Variants in ADGRL2 observed in about 807,000 individuals in gnomAD.
The protein encoded by ADGRL2 is adhesion G protein-coupled receptor L2, also known as calcium-independent alpha-latrotoxin receptor 2.
Under a neutral mutation model 157.4 loss-of-function variants are expected in ADGRL2, and 44 were observed. The observed-to-expected ratio is 0.28, with a 90% CI of 0.22 to 0.36. ADGRL2 has a LOEUF of 0.36. Ranked by LOEUF, ADGRL2 falls within the 10% of genes least tolerant of loss-of-function variation. The pLI, the probability that ADGRL2 is intolerant of heterozygous loss-of-function variation, is 1.00. For synonymous variants in ADGRL2, 585 were observed against 624.7 expected, an observed-to-expected ratio of 0.94 and a Z score of 0.95; for missense variants, 1,510 against 1,768.9, an observed-to-expected ratio of 0.85 and a Z score of 2.63.
intron 2 of ADGRL2, among the ~76,000 whole-genome samples, chr1:81,498,606 G>T (rs1221827567): frequency 6.6e-6 from 1 of 152,184 alleles, no homozygotes; most frequent in Non-Finnish European, 1.5e-5. Flanking sequence ...TATGAGAAGA[G>T]AGTTAACACT....
intron 1 of ADGRL2, among the ~76,000 whole-genome samples, chr1:81,705,746 C>T (rs1026818721): frequency 4.6e-5 from 7 of 150,966 alleles, no homozygotes; most frequent in East Asian, 2.0e-4. Flanking sequence ...AAGATTCCAC[C>T]GCTATAAAAA....
At chr1:81,677,387 T>G (rs898749981) in intron 3 of ADGRL2, among the ~76,000 whole-genome samples, 1 of 152,226 alleles carries the variant, frequency 6.6e-6, no homozygotes, top group Admixed American at 6.5e-5. Flanking sequence ...GAGCTTCATA[T>G]AGCCGGAATA....
intron 3 of ADGRL2, among the ~76,000 whole-genome samples, chr1:81,677,549 T>G (rs2083022551): frequency 6.6e-6 from 1 of 152,206 alleles, no homozygotes; most frequent in African/African-American, 2.4e-5. Flanking sequence ...TCTAGAAAAC[T>G]GTTCAAGTTG....
chr1:81,703,849 T>C (rs112249018), intron 1 of ADGRL2, among the ~76,000 whole-genome samples: 40 of 152,204 alleles, frequency 2.6e-4, no homozygotes, highest in African/African-American at 9.4e-4. Flanking sequence ...AAGTAATGGG[T>C]TCTTTTGTTT....
chr1:81,421,543 T>C (rs1300854537), intron 1 of ADGRL2, among the ~76,000 whole-genome samples: 1 of 152,234 alleles, frequency 6.6e-6, no homozygotes, highest in Non-Finnish European at 1.5e-5. Flanking sequence ...ATGGTCTTTC[T>C]TTACCTTTAT....
intron 1 of ADGRL2, among the ~76,000 whole-genome samples, chr1:81,379,181 C>T (rs1229984582): frequency 6.6e-6 from 1 of 152,116 alleles, no homozygotes; most frequent in Non-Finnish European, 1.5e-5. Flanking sequence ...GGGAAATGTT[C>T]CCTCGTCTCC....
At chr1:81,664,874 C>T (rs1050404600) in intron 3 of ADGRL2, among the ~76,000 whole-genome samples, 1 of 151,874 alleles carries the variant, frequency 6.6e-6, no homozygotes, top group Non-Finnish European at 1.5e-5. Flanking sequence ...TGACTTAATA[C>T]GTGTGTGTTT....
chr1:81,736,176 A>T (rs1320949130), intron 1 of ADGRL2, among the ~76,000 whole-genome samples: 3 of 151,194 alleles, frequency 2.0e-5, no homozygotes, highest in African/African-American at 7.3e-5. Context: ...TCAAACTGAC[A>T]ATCAGTTTGA....
intron 14 of ADGRL2, among the ~76,000 whole-genome samples, chr1:81,968,439 G>C (rs991654450): frequency 6.6e-6 from 1 of 152,208 alleles, no homozygotes; most frequent in Non-Finnish European, 1.5e-5. Context: ...TGGGGCAGGT[G>C]CTTGGTAGAG....
At chr1:81,704,330 C>T (rs1023563309) in intron 1 of ADGRL2, among the ~76,000 whole-genome samples, 6 of 152,310 alleles carry the variant, frequency 3.9e-5, no homozygotes, top group African/African-American at 7.2e-5. Flanking sequence ...CTGGCTAGTC[C>T]GGTTTTCCTG....
chr1:81,433,784 C>T (rs2077363460), intron 1 of ADGRL2, among the ~76,000 whole-genome samples: 1 of 152,168 alleles, frequency 6.6e-6, no homozygotes, highest in Admixed American at 6.5e-5. Context: ...ATTGACTGGA[C>T]TCTGTTGGGT....
chr1:81,730,809 C>G (rs938644841), intron 1 of ADGRL2, among the ~76,000 whole-genome samples: 1 of 151,998 alleles, frequency 6.6e-6, no homozygotes, highest in African/African-American at 2.4e-5. Flanking sequence ...AAAATTCACT[C>G]TTACCTTAAT....
chr1:81,528,331 G>A (rs567298317), intron 2 of ADGRL2, among the ~76,000 whole-genome samples: 2 of 152,174 alleles, frequency 1.3e-5, no homozygotes, highest in East Asian at 3.9e-4. Context: ...TTAGATAGAA[G>A]GTAGCTGAGG....
At chr1:81,361,983 G>A (rs966083540) in intron 1 of ADGRL2, among the ~76,000 whole-genome samples, 9 of 151,588 alleles carry the variant, frequency 5.9e-5, no homozygotes, top group African/African-American at 9.7e-5. Context: ...CTCCATTCCC[G>A]GAAAGCCCTT....
At chr1:81,907,371 T>TACGACGACCACC in intron 3 of ADGRL2, 141 bp downstream of exon 3, 2 of 627,482 alleles carry the variant, frequency 3.2e-6, no homozygotes, top group South Asian at 2.0e-5. Context: ...CTACTAATGT[T>TACGACGACCACC]GATATCTACA....
intron 2 of ADGRL2, among the ~76,000 whole-genome samples, chr1:81,549,041 G>T (rs1183385770): frequency 6.6e-6 from 1 of 152,222 alleles, no homozygotes; most frequent in Non-Finnish European, 1.5e-5. Flanking sequence ...AGTAAATCAA[G>T]AAATGAGCCC....
At chr1:81,766,385 C>A (rs2086118604) in intron 2 of ADGRL2, among the ~76,000 whole-genome samples, 1 of 151,976 alleles carries the variant, frequency 6.6e-6, no homozygotes, top group Non-Finnish European at 1.5e-5. Flanking sequence ...CATTTTATAT[C>A]TTCAAATATA....
chr1:81,427,457 G>A, intron 1 of ADGRL2: 1 of 754,542 alleles, frequency 1.3e-6, no homozygotes, highest in Non-Finnish European at 2.4e-6. Flanking sequence ...TGTGGTGGTG[G>A]TGGGAACTAT....
At chr1:81,509,727 T>A (rs762733248) in intron 2 of ADGRL2, among the ~76,000 whole-genome samples, 1 of 152,196 alleles carries the variant, frequency 6.6e-6, no homozygotes, top group Admixed American at 6.5e-5. Context: ...TAACAACAAC[T>A]GGCATGAAGC....
Sources: allele counts gnomAD v4.1 joint callset (sites outside exome capture counted in the v4.1 genomes callset), GRCh38; gene constraint gnomAD v4.1.1; transcripts MANE v1.5; gene names NCBI Gene and HGNC (gene_info 2026-07-23, HGNC 2026-07-21).